Variants in THOC5 observed in about 807,000 individuals in gnomAD.
THOC5 encodes the protein Fms-interacting protein.
THOC5 carries 43 observed loss-of-function variants against 92.9 expected under a neutral mutation model. The ratio of observed to expected loss-of-function variants is 0.46; its 90% CI spans 0.36 to 0.60. THOC5 has a LOEUF of 0.60. Among genes scored for constraint, THOC5 ranks in the 20% least tolerant of loss-of-function variants. The pLI is 0.00. For synonymous variants in THOC5, 296 were observed against 320.1 expected, an observed-to-expected ratio of 0.92 and a Z score of 0.80; for missense variants, 659 against 849.4, an observed-to-expected ratio of 0.78 and a Z score of 2.79.
chr22:29,516,500 C>A (rs1255316446), intron 17 of THOC5, among the ~76,000 whole-genome samples: 2 of 152,160 alleles, frequency 1.3e-5, no homozygotes, highest in Non-Finnish European at 2.9e-5. Flanking sequence ...GACAACAGCA[C>A]AACGGCCCAA....
rs1467296621 is a variant in THOC5 at position 29,519,314 on chromosome 22, C to T, written c.1375-194G>A. 2.0e-5 allele frequency among the ~76,000 whole-genome samples: 3 copies of T among 152,226 alleles called. No individual in the cohort carries two copies. In the East Asian group the frequency reaches 5.8e-4, roughly 29 times the overall value. On this transcript the variant is annotated intron_variant, in intron 14 of 19. Coordinates refer to ENST00000490103, the MANE Select transcript of THOC5 (RefSeq NM_003678.5). ...GTCCTGGCAGAAACAACACAATATGCTGCGTTCTTGAGAAGCTGTGTCCAA... is the reference window on the plus strand; with the variant it reads ...GTCCTGGCAGAAACAACACAATATGTTGCGTTCTTGAGAAGCTGTGTCCAA...
chr22:29,543,105 AGGCCGAG>A, intron 4 of THOC5, 149 bp from the exon 5 acceptor site: 2 of 622,832 alleles, frequency 3.2e-6, no homozygotes, highest in Non-Finnish European at 5.6e-6. Flanking sequence ...GCACTTTGGG[AGGCCGAG>A]GCGAGTGGAT....
chr22:29,542,040 G>A (rs935941338), intron 5 of THOC5, among the ~76,000 whole-genome samples: 4 of 151,282 alleles, frequency 2.6e-5, no homozygotes, highest in Admixed American at 6.6e-5. Context: ...TTCTCTTCCC[G>A]TTTACTCCTT....
intron 9 of THOC5, chr22:29,528,849 C>T (rs1297555871): frequency 8.0e-6 from 4 of 500,556 alleles, no homozygotes; most frequent in African/African-American, 1.9e-5. Context: ...ATGTGCATTA[C>T]CTTATTTAAT....
At chr22:29,541,870 AAAAAAAAAAAAAAAAAAAAAAAAAT>A (rs2063895876) in intron 5 of THOC5, among the ~76,000 whole-genome samples, 2 of 63,274 alleles carry the variant, frequency 3.2e-5, no homozygotes, top group African/African-American at 1.0e-4. Flanking sequence ...CCAAAAAAAA[AAAAAAAAAAAAAAAAAAAAAAAAAT>A]ATATATATAT....
At chr22:29,543,190 C>A (rs1242297467) in intron 4 of THOC5, among the ~76,000 whole-genome samples, 1 of 151,570 alleles carries the variant, frequency 6.6e-6, no homozygotes, top group Non-Finnish European at 1.5e-5. Flanking sequence ...CTAAAAAATA[C>A]AAAAATTAGC....
At chr22:29,535,437 A>G (rs2063741825) in intron 7 of THOC5, 1 of 152,062 alleles carries the variant, frequency 6.6e-6, no homozygotes. Context: ...CCAAGCATAT[A>G]CCGCATATAC....
chr22:29,513,682 C>T (rs995945657), intron 17 of THOC5, among the ~76,000 whole-genome samples: 1 of 151,832 alleles, frequency 6.6e-6, no homozygotes, highest in Non-Finnish European at 1.5e-5. Context: ...AAGCAAGACT[C>T]CGTCTCAAAA....
chr22:29,531,341 A>C, intron 8 of THOC5: 1 of 985,454 alleles, frequency 1.0e-6, no homozygotes, highest in Non-Finnish European at 1.2e-6. Flanking sequence ...TCAAAACCCT[A>C]GCAGAGTCAC....
chr22:29,514,804 C>T (rs556931468), intron 17 of THOC5, among the ~76,000 whole-genome samples: 2 of 148,996 alleles, frequency 1.3e-5, no homozygotes, highest in East Asian at 4.1e-4. Flanking sequence ...CTTCCGGGTT[C>T]GAGCAATTCT....
Position 29,517,347 on chromosome 22 carries a change from A to G in THOC5, c.1509T>C (p.Val503=), listed in dbSNP as rs2063353147. Residue 503 remains valine (V), a synonymous_variant, in exon 16 of 20, where the codon GTT becomes GTC. Coordinates refer to ENST00000490103, the MANE Select transcript of THOC5 (RefSeq NM_003678.5). ...FASLEHGIVP[V]TSDCQYLFPA... ...GGAAGAGGTACTGGCAATCACTGGT[A>G]ACTGGCACAATGCCATGTTCTAAAA... is the stretch of plus-strand genomic sequence containing the variant. 6.2e-7 allele frequency: 1 copy of G among 1,614,072 alleles called. No individual in the cohort carries two copies. Among genetic ancestry groups the G allele is most frequent in the African/African-American group, 1.3e-5 (1 of 74,940 alleles).
chr22:29,544,994 C>T (rs2063985285), intron 2 of THOC5: 3 of 367,340 alleles, frequency 8.2e-6, no homozygotes, highest in African/African-American at 6.6e-5. Context: ...CTGCATTAGT[C>T]CATTTTCACG....
intron 6 of THOC5, among the ~76,000 whole-genome samples, chr22:29,537,751 G>C (rs142087794): frequency 0.022 from 3,301 of 151,824 alleles, 131 homozygotes; most frequent in African/African-American, 0.075. Flanking sequence ...TTAGCTGGGC[G>C]TGGTGGCACA....
At chr22:29,528,687 G>A (rs2063592705) in intron 9 of THOC5, among the ~76,000 whole-genome samples, 1 of 152,020 alleles carries the variant, frequency 6.6e-6, no homozygotes, top group Non-Finnish European at 1.5e-5. Flanking sequence ...TTTTCAAAGG[G>A]CTTTTTGATG....
At chr22:29,527,180 G>A (rs1443266328) in intron 11 of THOC5, among the ~76,000 whole-genome samples, 1 of 152,272 alleles carries the variant, frequency 6.6e-6, no homozygotes, top group Admixed American at 6.5e-5. Context: ...AGCTACTTAG[G>A]AGGCTGAGGC....
chr22:29,513,726 C>T (rs1269462900), intron 17 of THOC5, among the ~76,000 whole-genome samples: 2 of 150,982 alleles, frequency 1.3e-5, no homozygotes, highest in South Asian at 2.1e-4. Context: ...GGCCAGGCGT[C>T]GTGGCTCACG....
intron 5 of THOC5, among the ~76,000 whole-genome samples, 170 bp from the exon 6 acceptor site, chr22:29,539,646 G>A (rs1305905639): frequency 6.6e-6 from 1 of 152,166 alleles, no homozygotes; most frequent in African/African-American, 2.4e-5. Context: ...GTGAAGAAAG[G>A]TAGTTGGTGA....
intron 5 of THOC5, among the ~76,000 whole-genome samples, chr22:29,541,876 AAAAAAAAAAAAAAAAAAATATAT>A (rs1569230826): frequency 4.1e-5 from 3 of 72,290 alleles, no homozygotes; most frequent in Non-Finnish European, 8.5e-5. Flanking sequence ...AAAAAAAAAA[AAAAAAAAAAAAAAAAAAATATAT>A]ATATATATAT....
In THOC5 at chr22:29,506,941, T is replaced by C. The variant is rs2063146074; in HGVS notation, c.*1516A>G. Reference sequence around the variant, plus strand: ...GTACAGTACAGGCACGATGAATAGCTCACTGCTACCTTGAACTCCTGGACT... The same window carrying C: ...GTACAGTACAGGCACGATGAATAGCCCACTGCTACCTTGAACTCCTGGACT... On this transcript the variant is annotated 3_prime_UTR_variant, in exon 20 of 20. Coordinates refer to ENST00000490103, the MANE Select transcript of THOC5 (RefSeq NM_003678.5). The C allele has an allele frequency of 6.6e-6, 1 of 152,184 alleles. No homozygotes were observed. The highest frequency in any genetic ancestry group is 2.4e-5 in the African/African-American group (1 of 41,444). 9.4% of individuals were successfully genotyped at this position (152,184 alleles called of 1,614,324 possible). A position where few individuals can be genotyped will look rare whatever the true frequency, so the allele number is the denominator to read the frequency against.
Sources: allele counts gnomAD v4.1 joint callset (sites outside exome capture counted in the v4.1 genomes callset), GRCh38; gene constraint gnomAD v4.1.1; transcripts MANE v1.5; gene names NCBI Gene and HGNC (gene_info 2026-07-23, HGNC 2026-07-21).